The following ADCY3 variants were observed in gnomAD, a reference collection of about 807,000 sequenced individuals.
ADCY3 encodes the protein adenylate cyclase type 3.
ADCY3 carries 70 observed loss-of-function variants against 119.4 expected under a neutral mutation model. The ratio of observed to expected loss-of-function variants is 0.59; its 90% CI spans 0.48 to 0.72. The LOEUF (loss-of-function observed/expected upper bound fraction) is 0.72. ADCY3 is among the 30% of genes least tolerant of loss of function. The pLI, the probability that ADCY3 is intolerant of heterozygous loss-of-function variation, is 0.00. For synonymous variants in ADCY3, 672 were observed against 621.4 expected, an observed-to-expected ratio of 1.08 and a Z score of -1.21; for missense variants, 1,238 against 1,541.6, an observed-to-expected ratio of 0.80 and a Z score of 3.30.
intron 9 of ADCY3, among the ~76,000 whole-genome samples, chr2:24,835,449 T>C (rs1284606264): frequency 6.6e-6 from 1 of 152,162 alleles, no homozygotes; most frequent in African/African-American, 2.4e-5. Context: ...TCCTCATCAC[T>C]AGAGGGCTGA....
chr2:24,912,140 A>G (rs987332561), intron 2 of ADCY3, among the ~76,000 whole-genome samples: 2 of 152,164 alleles, frequency 1.3e-5, no homozygotes, highest in African/African-American at 4.8e-5. Flanking sequence ...GTGATAGCAC[A>G]TACCCGTGGA....
At chr2:24,836,037 T>G (rs1670287014) in intron 9 of ADCY3, among the ~76,000 whole-genome samples, 1 of 151,984 alleles carries the variant, frequency 6.6e-6, no homozygotes, top group South Asian at 2.1e-4. Flanking sequence ...ATCTTCCCCT[T>G]CTGTAAAATC....
intron 20 of ADCY3, 75 bp from the exon 21 acceptor site, chr2:24,820,923 C>T (rs1667552454): frequency 1.9e-6 from 3 of 1,567,438 alleles, no homozygotes; most frequent in African/African-American, 1.4e-5. Flanking sequence ...ATCTCCTCTC[C>T]AGACCTGTAC....
At chr2:24,821,342 T>C (rs1667676146) in intron 20 of ADCY3, 175 bp downstream of exon 20, 2 of 902,402 alleles carry the variant, frequency 2.2e-6, no homozygotes, top group African/African-American at 3.3e-5. Flanking sequence ...TTTGGTTTAG[T>C]CATCTAGAGT....
At position 24,831,587 on chromosome 2, in the gene ADCY3, C is replaced by T. The variant is rs149845416; in HGVS notation, c.2055+75G>A. The T allele has an allele frequency of 6.0e-6, 7 of 1,167,768 alleles. No homozygotes were observed. The African/African-American group carries it at 1.1e-4, about 18-fold the overall frequency. 72.3% of individuals were successfully genotyped at this position (1,167,768 alleles called of 1,614,324 possible). On this transcript the variant is annotated intron_variant, in intron 12 of 21. Coordinates refer to ENST00000679454, the MANE Select transcript of ADCY3 (RefSeq NM_004036.5). ...TCAGATTTGACAGAAAGAATAACTC[C>T]ATCACTGCCCAGTTTTACAGGGAGT...
intron 2 of ADCY3, among the ~76,000 whole-genome samples, chr2:24,907,227 C>A (rs372764940): frequency 3.9e-5 from 6 of 152,244 alleles, no homozygotes; most frequent in Middle Eastern, 6.8e-3. Flanking sequence ...AGGAGCCCAC[C>A]GAGAGCTGGA....
intron 18 of ADCY3, 24 bp downstream of exon 18, chr2:24,823,185 G>A (rs1668043748): frequency 6.2e-7 from 1 of 1,607,276 alleles, no homozygotes; most frequent in Non-Finnish European, 8.5e-7. Context: ...CATGGCCAGA[G>A]TGCAGGGTGG....
Position 24,834,575 on chromosome 2 carries a change from A to C in ADCY3, c.1877T>G (p.Val626Gly). The C allele has an allele frequency of 1.9e-6, 3 of 1,613,908 alleles. No individual in the cohort carries two copies. The highest frequency in any genetic ancestry group is 2.5e-6 in the Non-Finnish European group (3 of 1,179,978). The part of the protein sequence containing the change: ...MDPEMETRYS[V>G]EKEKQSGAAF... ...AGCCCCACTCTGCTTCTCCTTCTCC[A>C]CCGAGTAGCGGGTTTCCATCTCGGG... Residue 626 changes from valine to glycine, a missense_variant, in exon 11 of 22, where the codon GTG becomes GGG. By Grantham distance (109) the Val-to-Gly change is moderately radical. Coordinates refer to ENST00000679454, the MANE Select transcript of ADCY3 (RefSeq NM_004036.5). The surrounding 1 kb of genome is among the most constrained non-coding windows in gnomAD (Gnocchi z 4.2).
intron 2 of ADCY3, among the ~76,000 whole-genome samples, chr2:24,874,020 AACAG>A (rs1348859709): frequency 6.6e-6 from 1 of 152,218 alleles, no homozygotes; most frequent in Non-Finnish European, 1.5e-5. Flanking sequence ...AAGATGGTCT[AACAG>A]ACAACAAGGG....
chr2:24,847,316 C>T (rs1336124188), intron 3 of ADCY3, among the ~76,000 whole-genome samples: 1 of 152,236 alleles, frequency 6.6e-6, no homozygotes, highest in Non-Finnish European at 1.5e-5. Context: ...GCCTCCCCAG[C>T]CATGTGGAAC....
At chr2:24,871,217 A>T (rs1409546043) in intron 3 of ADCY3, among the ~76,000 whole-genome samples, 16 of 151,120 alleles carry the variant, frequency 1.1e-4, no homozygotes, top group African/African-American at 3.4e-4. Flanking sequence ...AGACAGTATT[A>T]AAAAAAAACA....
intron 6 of ADCY3, chr2:24,840,567 G>A (rs1260779787): frequency 1.1e-5 from 5 of 467,946 alleles, no homozygotes; most frequent in Admixed American, 2.4e-5. Flanking sequence ...TCGGAGAAGG[G>A]GGTAAAGAGC....
At chr2:24,902,471 C>G (rs1011209580) in intron 2 of ADCY3, among the ~76,000 whole-genome samples, 2 of 152,152 alleles carry the variant, frequency 1.3e-5, no homozygotes, top group African/African-American at 4.8e-5. Flanking sequence ...ATCATCCCAA[C>G]ATGTGCCATG....
chr2:24,831,056 G>A (rs1669425734), intron 12 of ADCY3, among the ~76,000 whole-genome samples: 1 of 152,110 alleles, frequency 6.6e-6, no homozygotes, highest in Non-Finnish European at 1.5e-5. Flanking sequence ...ACAGCCTCCA[G>A]GTCGCAGCCC....
chr2:24,864,967 C>T (rs10207900), intron 3 of ADCY3, among the ~76,000 whole-genome samples: 1,609 of 152,220 alleles, frequency 0.011, 22 homozygotes, highest in African/African-American at 0.036. Flanking sequence ...TACACTTGCA[C>T]ATATATACTA....
At chr2:24,871,212 G>A (rs1213187651) in intron 3 of ADCY3, among the ~76,000 whole-genome samples, 3 of 151,260 alleles carry the variant, frequency 2.0e-5, no homozygotes, top group Admixed American at 1.3e-4. Flanking sequence ...AAATGAGACA[G>A]TATTAAAAAA....
At chr2:24,838,702 C>CT in intron 7 of ADCY3, 80 bp from the exon 8 acceptor site, 1 of 1,593,216 alleles carries the variant, frequency 6.3e-7, no homozygotes, top group African/African-American at 1.3e-5. Context: ...CGGACCACGG[C>CT]TGCACCGGCT....
intron 3 of ADCY3, among the ~76,000 whole-genome samples, chr2:24,857,991 ATTTTT>A (rs56672595): frequency 4.1e-5 from 5 of 122,392 alleles, no homozygotes; most frequent in African/African-American, 6.8e-5. Flanking sequence ...TGTGGTCTGA[ATTTTT>A]TTTTTTTTTT....
At position 24,830,720 on chromosome 2, in the gene ADCY3, C is replaced by A; in HGVS notation, c.2161G>T (p.Val721Phe). Residue 721 changes from valine (V) to phenylalanine (F), a missense_variant, in exon 13 of 22, where the codon GTC becomes TTC. Val to Phe is a conservative substitution (Grantham distance 50, BLOSUM62 -1). This residue lies in a region of ADCY3 where 499 missense variants were observed against 571.0 expected (regional missense o/e 0.87). Coordinates refer to ENST00000679454, the MANE Select transcript of ADCY3 (RefSeq NM_004036.5). The part of the protein sequence containing the change: ...LAIFILVMAN[V>F]VDMLSCLQYY... ...CAGCAGGAGCTCACCATGTCCACGA[C>A]ATTTGCCATCACCAGGATGAAGATG... 6.2e-7 allele frequency: 1 copy of A among 1,613,926 alleles called. No homozygotes were observed. Among genetic ancestry groups the A allele is most frequent in the Non-Finnish European group, 8.5e-7 (1 of 1,179,918 alleles).
Sources: gnomAD v4.1 joint callset for allele counts (sites outside exome capture counted in the v4.1 genomes callset) on GRCh38, gnomAD v4.1.1 for gene constraint, gnomAD v4.1.1 regional missense constraint, Gnocchi (gnomAD v3.1) non-coding constraint, MANE v1.5 for transcripts, NCBI Gene and HGNC (gene_info 2026-07-23, HGNC 2026-07-21) for gene names.